CREB3L4: variants seen among roughly 807,000 people sequenced by gnomAD.
The protein encoded by CREB3L4 is cAMP responsive element binding protein 3 like 4, also known as cyclic AMP-responsive element-binding protein 3-like protein 4.
A neutral mutation model predicts 37.0 loss-of-function variants in CREB3L4; 28 were observed. The ratio of observed to expected loss-of-function variants is 0.76; its 90% CI spans 0.56 to 1.04. CREB3L4 has a LOEUF of 1.04. Among genes scored for constraint, CREB3L4 ranks in the 50% least tolerant of loss-of-function variants. CREB3L4 has a pLI of 0.00. For missense variants in CREB3L4, 462 were observed against 486.0 expected, an observed-to-expected ratio of 0.95 and a Z score of 0.46; for synonymous variants, 175 against 192.2, an observed-to-expected ratio of 0.91 and a Z score of 0.74.
At position 153,974,056 on chromosome 1, in the gene CREB3L4, T is replaced by C; in HGVS notation, c.1179T>C (p.Asp393=). The C allele has an allele frequency of 1.2e-6, 2 of 1,613,040 alleles. No individual in the cohort carries two copies. The highest frequency in any genetic ancestry group is 1.1e-5 in the South Asian group (1 of 91,042). The change falls in exon 10 of 10, where the codon GAT becomes GAC. Residue 393 remains aspartate (D), a synonymous_variant. Coordinates refer to ENST00000368607, the MANE Select transcript of CREB3L4 (RefSeq NM_001255978.2). ...SGRIRSVLHA[D]EM ...GCATCCGGTCCGTGCTGCATGCAGA[T>C]GAGATGTGAGCTGGAACAGACCTTC...
In CREB3L4 at chr1:153,974,041, C is replaced by T. The variant is rs768441550; in HGVS notation, c.1164C>T (p.Ser388=). 2.2e-5 allele frequency: 35 copies of T among 1,613,786 alleles called. No individual in the cohort carries two copies. In the Admixed American group the frequency reaches 3.7e-4, roughly 17 times the overall value. The change falls in exon 10 of 10, where the codon TCC becomes TCT. Residue 388 remains serine, a synonymous_variant. Transcript: ENST00000368607. ...GKPRPSGRIR[S]VLHADEM is the part of the protein sequence containing the mutation. The stretch of plus-strand genomic sequence containing the variant: ...CAAGACCCAGTGGGCGCATCCGGTC[C>T]GTGCTGCATGCAGATGAGATGTGAG...
intron 4 of CREB3L4, 146 bp from the exon 5 acceptor site, chr1:153,972,598 C>T (rs947362063): frequency 1.1e-5 from 7 of 633,580 alleles, no homozygotes; most frequent in South Asian, 5.7e-5. Context: ...ATTAAAGTCT[C>T]TGCCCCTCAC....
Position 153,973,429 on chromosome 1 carries a change from T to G in CREB3L4, c.862T>G (p.Ser288Ala), listed in dbSNP as rs148414261. Residue 288 changes from serine to alanine, a missense_variant, in exon 8 of 10, where the codon TCC (serine) becomes GCC (alanine). Transcript: ENST00000368607. ...RQLQTLIAQT[S>A]NKAAQTSTCV... ...GCTGCAGACGCTAATTGCTCAAACT[T>G]CCAACAAAGCTGCCCAGACCAGCAC... 1.9e-6 allele frequency: 3 copies of G among 1,613,956 alleles called. No homozygotes were observed. Among genetic ancestry groups the G allele is most frequent in the East Asian group, 4.5e-5 (2 of 44,886 alleles).
At chr1:153,970,484 T>G (rs1334512830) in intron 4 of CREB3L4, among the ~76,000 whole-genome samples, 1 of 152,188 alleles carries the variant, frequency 6.6e-6, no homozygotes, top group Non-Finnish European at 1.5e-5. Context: ...CAGCAATGTT[T>G]CCACTGGAAC....
intron 8 of CREB3L4, 63 bp from the exon 9 acceptor site, chr1:153,973,557 C>A: frequency 6.4e-7 from 1 of 1,562,998 alleles, no homozygotes; most frequent in Non-Finnish European, 8.8e-7. Context: ...TCCGATAACC[C>A]CAGCTGGCCT....
At chr1:153,968,239 A>G in intron 1 of CREB3L4, 75 bp downstream of exon 1, 1 of 259,070 alleles carries the variant, frequency 3.9e-6, no homozygotes. Flanking sequence ...ATCCTGGAAG[A>G]AAGAAAAGGT....
At position 153,968,520 on chromosome 1, in the gene CREB3L4, A is replaced by C. The variant is rs201808585; in HGVS notation, c.-4-2A>C. On this transcript the variant is annotated splice_acceptor_variant, in intron 1 of 9. Transcript: ENST00000368607. LOFTEE classifies it low-confidence loss of function (5UTR_SPLICE). ...CCCTCCGTCCCACACGCCTTCCTGCAGAAGCATGGATCTCGGAATCCCTGA... is the reference window on the plus strand; with the variant it reads ...CCCTCCGTCCCACACGCCTTCCTGCCGAAGCATGGATCTCGGAATCCCTGA... The C allele has an allele frequency of 1.5e-4, 246 of 1,612,052 alleles. No individual in the cohort carries two copies. Among genetic ancestry groups the C allele is most frequent in the East Asian group, 6.0e-4 (27 of 44,846 alleles).
chr1:153,973,598 T>TG lies in CREB3L4; in HGVS notation c.898-21dup, dbSNP rs1395604391. ...CACTCTACCCCCTGCTCCCTTCATC[T>TG]GTTCCTCTTGCTTCCTCCCAGATTC... On this transcript the variant is annotated intron_variant, in intron 8 of 9. Coordinates refer to ENST00000368607, the MANE Select transcript of CREB3L4 (RefSeq NM_001255978.2). 1.2e-5 allele frequency: 19 copies of TG among 1,604,258 alleles called. No homozygotes were observed. In the African/African-American group the frequency reaches 2.4e-4, roughly 20 times the overall value.
In CREB3L4 at chr1:153,968,692, G is replaced by A. The variant is rs757529637; in HGVS notation, c.167G>A (p.Arg56His). Residue 56 changes from arginine (R) to histidine (H), a missense_variant, in exon 2 of 10, where the codon CGT (arginine) becomes CAT (histidine). Physicochemically the swap from Arg to His is conservative, Grantham distance 29. Coordinates refer to ENST00000368607, the MANE Select transcript of CREB3L4 (RefSeq NM_001255978.2). ...GLQGWKSGGD[R>H]GCGLQESEPE... is the part of the protein sequence containing the mutation. ...CAAGGCTGGAAGTCCGGTGGGGACC[G>A]TGGCTGTGTGAGTGTGACGAGTGGG... 20 of 1,613,772 alleles carry A rather than the reference G, an allele frequency of 1.2e-5. No homozygotes were observed. In the South Asian group the frequency reaches 2.0e-4, roughly 16 times the overall value.
At chr1:153,972,132 T>C (rs954132791) in intron 4 of CREB3L4, among the ~76,000 whole-genome samples, 2 of 152,144 alleles carry the variant, frequency 1.3e-5, no homozygotes, top group African/African-American at 4.8e-5. Flanking sequence ...CACATACATC[T>C]TTCAAAAAGA....
rs1571108127 is a variant in CREB3L4 at position 153,969,559 on chromosome 1, G to A, written c.543+104G>A. On this transcript the variant is annotated intron_variant, in intron 4 of 9. Coordinates refer to ENST00000368607, the MANE Select transcript of CREB3L4 (RefSeq NM_001255978.2). ...TGGAAACTGATGATGAACTGCCTTT[G>A]CCCCGGTTTTTGTGGCATTGGGCCT... 21 of 1,406,446 alleles carry A rather than the reference G, an allele frequency of 1.5e-5. No homozygotes were observed. The East Asian group carries it at 4.8e-4, about 32-fold the overall frequency. The allele number at this position is 1,406,446 out of a possible 1,614,324, so 87.1% of individuals were successfully genotyped here. A position where few individuals can be genotyped will look rare whatever the true frequency, so the allele number is the denominator to read the frequency against.
intron 6 of CREB3L4, 56 bp downstream of exon 6, chr1:153,973,134 C>G: frequency 2.5e-6 from 4 of 1,610,476 alleles, no homozygotes; most frequent in Non-Finnish European, 3.4e-6. Flanking sequence ...CCTTCCTCAC[C>G]ATGGGAGGCA....
chr1:153,971,647 G>GTGATTT, intron 4 of CREB3L4, among the ~76,000 whole-genome samples: 1 of 130,368 alleles, frequency 7.7e-6, no homozygotes, highest in African/African-American at 2.9e-5. Context: ...CTCATTTTCA[G>GTGATTT]TGATTTTGAT....
intron 1 of CREB3L4, 112 bp downstream of exon 1, chr1:153,968,276 A>C: frequency 1.8e-5 from 7 of 394,730 alleles, no homozygotes; most frequent in East Asian, 9.2e-5. Context: ...TCAACGGGCT[A>C]TGCTGGCTTG....
intron 6 of CREB3L4, 53 bp from the exon 7 acceptor site, chr1:153,973,142 G>T: frequency 1.2e-6 from 2 of 1,610,692 alleles, no homozygotes; most frequent in Non-Finnish European, 1.7e-6. Flanking sequence ...ACCATGGGAG[G>T]CAAGGTAAGG....
In CREB3L4 at chr1:153,968,121, C is replaced by A. The variant is rs1408168037; in HGVS notation, c.-48C>A. 2 of 162,642 alleles carry A rather than the reference C, an allele frequency of 1.2e-5. No homozygotes were observed. The highest frequency in any genetic ancestry group is 2.4e-5 in the African/African-American group (1 of 41,668). 10.1% of individuals were successfully genotyped at this position (162,642 alleles called of 1,614,324 possible). A position where few individuals can be genotyped will look rare whatever the true frequency, so the allele number is the denominator to read the frequency against. ...GTTTGTGGACCCTCAGACTCTTAGT[C>A]CCCTACTCCCAGATACAGCGGCCCT... On this transcript the variant is annotated 5_prime_UTR_variant, in exon 1 of 10. Transcript: ENST00000368607.
At chr1:153,968,875 G>A (rs1648045227) in intron 2 of CREB3L4, 55 bp from the exon 3 acceptor site, 2 of 1,552,314 alleles carry the variant, frequency 1.3e-6, no homozygotes, top group Admixed American at 3.8e-5. Context: ...GCATAAGTCA[G>A]GGAGGACTTC....
rs141863404 is a variant in CREB3L4, at chr1:153,973,742, C to T, written c.994+26C>T. 3.7e-4 allele frequency: 580 copies of T among 1,577,074 alleles called. No individual in the cohort carries two copies. The African/African-American group carries it at 6.8e-3, about 19-fold the overall frequency. On this transcript the variant is annotated intron_variant, in intron 9 of 9. Coordinates refer to ENST00000368607, the MANE Select transcript of CREB3L4 (RefSeq NM_001255978.2). ...GTGAGAGGCAAGGGCAGGGAGCAACCCCTGGCTGAGCAAGGGAGGGGGACT... is the reference window on the plus strand; with the variant it reads ...GTGAGAGGCAAGGGCAGGGAGCAACTCCTGGCTGAGCAAGGGAGGGGGACT...
At position 153,973,189 on chromosome 1, in the gene CREB3L4, T is replaced by C. The variant is rs192842432; in HGVS notation, c.744-6T>C. 334 of 1,613,880 alleles carry C rather than the reference T, an allele frequency of 2.1e-4. 1 individual carries two copies. The African/African-American group carries it at 3.6e-3, about 18-fold the overall frequency. ...CTGAGCCTTGTCCTACCTCCCTACA[T>C]TCTAGGGTGGCAGCCTGTTCTGCAC... On this transcript the variant is annotated splice_polypyrimidine_tract_variant and splice_region_variant and intron_variant, in intron 6 of 9. Transcript: ENST00000368607.
Sources: gnomAD v4.1 joint callset for allele counts (sites outside exome capture counted in the v4.1 genomes callset) on GRCh38, gnomAD v4.1.1 for gene constraint, MANE v1.5 for transcripts, NCBI Gene and HGNC (gene_info 2026-07-23, HGNC 2026-07-21) for gene names.